CDH2: variants seen among roughly 807,000 people sequenced by gnomAD.
CDH2 encodes the protein cadherin-2.
A neutral mutation model predicts 92.0 loss-of-function variants in CDH2; 17 were observed. The ratio of observed to expected loss-of-function variants is 0.18; its 90% CI spans 0.13 to 0.28. The LOEUF is 0.28. Ranked by LOEUF, CDH2 falls within the 10% of genes least tolerant of loss-of-function variation. CDH2 has a pLI of 1.00. For synonymous variants in CDH2, 419 were observed against 415.9 expected (o/e 1.01, Z -0.09); for missense variants, 862 against 1,133.1 (o/e 0.76, Z 3.44).
chr18:28,053,408 C>G (rs1298150242), intron 2 of CDH2, among the ~76,000 whole-genome samples: 1 of 152,068 alleles, frequency 6.6e-6, no homozygotes, highest in Non-Finnish European at 1.5e-5. Context: ...ATCAAACATC[C>G]AGTGAGTAAT....
chr18:28,019,650 G>T (rs771136375), intron 2 of CDH2, among the ~76,000 whole-genome samples: 2 of 152,060 alleles, frequency 1.3e-5, no homozygotes, highest in East Asian at 3.9e-4. Context: ...TTGTATAAAG[G>T]TCAGTCATTT....
chr18:28,168,960 A>G (rs554473817), intron 1 of CDH2, among the ~76,000 whole-genome samples: 31 of 152,280 alleles, frequency 2.0e-4, no homozygotes, highest in Non-Finnish European at 3.2e-4. Context: ...GAATATGACA[A>G]ATATGGTTTT....
intron 3 of CDH2, among the ~76,000 whole-genome samples, chr18:28,012,852 A>G (rs1421589582): frequency 6.6e-6 from 1 of 152,210 alleles, no homozygotes; most frequent in Non-Finnish European, 1.5e-5. Flanking sequence ...GTGGGTATGT[A>G]TATCACATTT....
intron 2 of CDH2, among the ~76,000 whole-genome samples, chr18:28,032,200 C>T (rs2013714264): frequency 6.6e-6 from 1 of 152,074 alleles, no homozygotes; most frequent in East Asian, 1.9e-4. Context: ...TGAACAAATT[C>T]CAACTAGCTT....
chr18:28,055,785 A>AGAATATGGT (rs2014280738), intron 2 of CDH2, among the ~76,000 whole-genome samples: 2 of 152,174 alleles, frequency 1.3e-5, no homozygotes, highest in Non-Finnish European at 2.9e-5. Context: ...GGTGCAAAGA[A>AGAATATGGT]GCTACATATA....
At chr18:28,010,081 G>C (rs908232020) in intron 4 of CDH2, among the ~76,000 whole-genome samples, 2 of 152,142 alleles carry the variant, frequency 1.3e-5, no homozygotes, top group Admixed American at 6.5e-5. Context: ...AGAAAGACTG[G>C]AGGCAACATT....
intron 2 of CDH2, among the ~76,000 whole-genome samples, chr18:28,047,592 G>A (rs1379970848): frequency 2.0e-5 from 3 of 152,238 alleles, no homozygotes; most frequent in East Asian, 3.9e-4. Flanking sequence ...AAACTGGCCG[G>A]GCGCGGTGGC....
At chr18:27,998,404 G>A (rs566026883) in intron 7 of CDH2, among the ~76,000 whole-genome samples, 1 of 152,248 alleles carries the variant, frequency 6.6e-6, no homozygotes, top group South Asian at 2.1e-4. Flanking sequence ...GGAAGGTAAA[G>A]GAGCTTGCCA....
chr18:28,088,719 G>C (rs766813706), intron 2 of CDH2, among the ~76,000 whole-genome samples: 2 of 152,036 alleles, frequency 1.3e-5, no homozygotes, highest in Non-Finnish European at 2.9e-5. Context: ...CTAAGGGGGC[G>C]GGCATGTTCC....
Position 27,991,339 on chromosome 18 carries a change from C to T in CDH2, c.1345-989G>A, listed in dbSNP as rs574350285. Among the ~76,000 whole-genome samples, 5 of 152,252 alleles carry T rather than the reference C, an allele frequency of 3.3e-5. No homozygotes were observed. The East Asian group carries it at 5.8e-4, about 18-fold the overall frequency. On this transcript the variant is annotated intron_variant, in intron 9 of 15. Transcript: ENST00000269141. ...TTATCAGCAGAAACTGCACCAGTTT[C>T]GTACCCTAGACCACCTTTTAAAAAT...
chr18:28,006,289 A>G (rs1310681195), intron 5 of CDH2, among the ~76,000 whole-genome samples: 1 of 152,222 alleles, frequency 6.6e-6, no homozygotes, highest in African/African-American at 2.4e-5. Context: ...GATGAAATTG[A>G]GCCTCAGAAA....
chr18:28,073,948 A>G (rs972505421), intron 2 of CDH2, among the ~76,000 whole-genome samples: 5 of 152,208 alleles, frequency 3.3e-5, no homozygotes, highest in African/African-American at 1.2e-4. Context: ...GCCATTCACT[A>G]TCTTGTTATT....
chr18:28,094,381 C>T (rs1197667798), intron 2 of CDH2, among the ~76,000 whole-genome samples: 1 of 151,684 alleles, frequency 6.6e-6, no homozygotes, highest in Non-Finnish European at 1.5e-5. Context: ...CCAGCTACTA[C>T]AGAGGCTGAG....
intron 14 of CDH2, among the ~76,000 whole-genome samples, chr18:27,977,749 T>C (rs1376344586): frequency 6.6e-6 from 1 of 152,196 alleles, no homozygotes; most frequent in Non-Finnish European, 1.5e-5. Context: ...TACAATGGAA[T>C]ACTATTCAGA....
intron 1 of CDH2, among the ~76,000 whole-genome samples, chr18:28,153,608 C>T (rs1314811440): frequency 6.6e-6 from 1 of 152,210 alleles, no homozygotes; most frequent in African/African-American, 2.4e-5. Flanking sequence ...GCAGCATGAA[C>T]TTCCAACAGG....
chr18:27,993,544 C>T lies in CDH2; in HGVS notation c.1114G>A (p.Val372Met). The change falls in exon 8 of 16, where the codon GTG becomes ATG. Residue 372 changes from valine (V) to methionine (M), a missense_variant. Around this residue, in one of 5 missense-constraint regions of CDH2, gnomAD observed 564 missense variants for 722.2 expected, o/e 0.78. Coordinates refer to ENST00000269141, the MANE Select transcript of CDH2 (RefSeq NM_001792.5). ...GGAGGATTGTCATTGACATCTGTCA[C>T]TGTGATGACGGCCGTGGCTGTGTTT... The part of the protein sequence containing the change: ...LSNTATAVIT[V>M]TDVNDNPPEF... 2 of 1,614,144 alleles carry T rather than the reference C, an allele frequency of 1.2e-6. No individual in the cohort carries two copies. The highest frequency in any genetic ancestry group is 1.7e-6 in the Non-Finnish European group (2 of 1,179,986).
At position 28,176,974 on chromosome 18, in the gene CDH2, C is replaced by T; in HGVS notation, c.49G>A (p.Ala17Thr). The T allele has an allele frequency of 7.0e-7, 1 of 1,432,548 alleles. No individual in the cohort carries two copies. Among genetic ancestry groups the T allele is most frequent in the Middle Eastern group, 2.5e-4 (1 of 3,986 alleles). 88.7% of individuals were successfully genotyped at this position (1,432,548 alleles called of 1,614,324 possible). Residue 17 changes from alanine (A) to threonine (T), a missense_variant, in exon 1 of 16, where the codon GCC becomes ACC. Ala to Thr is a moderately conservative substitution (Grantham distance 58). Transcript: ENST00000269141. ...GGACCGCCGCGTACCTGAAGCAGGG[C>T]CGCCAGCAGCGGCAGCAGGGTCCGC... ...ALRTLLPLLA[A>T]LLQASVEASG...
intron 15 of CDH2, among the ~76,000 whole-genome samples, chr18:27,958,092 T>A (rs1178930290): frequency 6.6e-6 from 1 of 152,204 alleles, no homozygotes; most frequent in African/African-American, 2.4e-5. Context: ...AAAAGGAGGT[T>A]CTATTACTAT....
At chr18:28,049,121 T>C (rs192270668) in intron 2 of CDH2, among the ~76,000 whole-genome samples, 1 of 152,222 alleles carries the variant, frequency 6.6e-6, no homozygotes, top group African/African-American at 2.4e-5. Context: ...ACGACATCTA[T>C]TGGAAAACTT....
Sources: allele counts gnomAD v4.1 joint callset (sites outside exome capture counted in the v4.1 genomes callset), GRCh38; gene constraint gnomAD v4.1.1; regional missense constraint gnomAD v4.1.1; transcripts MANE v1.5; gene names NCBI Gene and HGNC (gene_info 2026-07-23, HGNC 2026-07-21).